HCN1: variants seen among roughly 807,000 people sequenced by gnomAD.
The protein encoded by HCN1 is hyperpolarization activated cyclic nucleotide gated potassium channel 1, also known as potassium/sodium hyperpolarization-activated cyclic nucleotide-gated channel 1.
Under a neutral mutation model 78.9 loss-of-function variants are expected in HCN1, and 13 were observed. The ratio of observed to expected loss-of-function variants is 0.16; its 90% CI spans 0.11 to 0.26. The LOEUF is 0.26. Ranked by LOEUF, HCN1 falls within the 10% of genes least tolerant of loss-of-function variation. The pLI, the probability that HCN1 is intolerant of heterozygous loss-of-function variation, is 1.00. For missense variants in HCN1, 810 were observed against 1,154.3 expected (o/e 0.70, Z 4.32); for synonymous variants, 552 against 455.5 (o/e 1.21, Z -2.70).
intron 2 of HCN1, among the ~76,000 whole-genome samples, chr5:45,583,327 T>C (rs1744128748): frequency 6.6e-6 from 1 of 152,208 alleles, no homozygotes; most frequent in East Asian, 1.9e-4. Flanking sequence ...GTGTTTATAG[T>C]ATTCTCTGAT....
Position 45,312,444 on chromosome 5 carries a change from G to A in HCN1, c.1378-8605C>T, listed in dbSNP as rs542642951. Reference sequence around the variant, plus strand: ...GTCTACAGCTCCCAGTGTGAGCGACGCAGAAGACGGATGATTTCTGCATTT... The same window carrying A: ...GTCTACAGCTCCCAGTGTGAGCGACACAGAAGACGGATGATTTCTGCATTT... On this transcript the variant is annotated intron_variant, in intron 5 of 7. Transcript: ENST00000303230. Among the ~76,000 whole-genome samples the A allele has an allele frequency of 5.4e-4, 82 of 152,270 alleles. 2 individuals are homozygous for A. In the South Asian group the frequency reaches 6.6e-3, roughly 12 times the overall value.
intron 5 of HCN1, 42 bp downstream of exon 5, chr5:45,353,058 C>T (rs1308898369): frequency 1.3e-6 from 2 of 1,515,000 alleles, no homozygotes; most frequent in Admixed American, 3.4e-5. Flanking sequence ...AGAAAATAAA[C>T]AATGATTATG....
intron 3 of HCN1, among the ~76,000 whole-genome samples, chr5:45,411,704 T>A (rs530063399): frequency 6.6e-6 from 1 of 152,142 alleles, no homozygotes; most frequent in South Asian, 2.1e-4. Context: ...TTTATGAGAT[T>A]TCTGTTTTCA....
At chr5:45,694,820 T>C (rs1273545472) in intron 1 of HCN1, among the ~76,000 whole-genome samples, 1 of 152,196 alleles carries the variant, frequency 6.6e-6, no homozygotes, top group East Asian at 1.9e-4. Flanking sequence ...TCAGAAAACG[T>C]CTTAATTTTA....
chr5:45,403,357 A>G (rs1418132018), intron 3 of HCN1, among the ~76,000 whole-genome samples: 1 of 152,188 alleles, frequency 6.6e-6, no homozygotes, highest in African/African-American at 2.4e-5. Context: ...GGCTGCTAAT[A>G]AAGATATACC....
rs148040468 is a variant in HCN1, at chr5:45,353,907, G to A, written c.1231-661C>T. On this transcript the variant is annotated intron_variant, in intron 4 of 7. Transcript: ENST00000303230. ...CTGAAGTTCATTTAAACAAGTAGGC[G>A]TCAACTGTGATTGTTTTAAGAACTG... 5.9e-5 allele frequency among the ~76,000 whole-genome samples: 9 copies of A among 152,026 alleles called. No individual in the cohort carries two copies. The East Asian group carries it at 7.8e-4, about 13-fold the overall frequency.
At chr5:45,494,414 G>C (rs1367336418) in intron 2 of HCN1, among the ~76,000 whole-genome samples, 2 of 152,054 alleles carry the variant, frequency 1.3e-5, no homozygotes, top group Non-Finnish European at 2.9e-5. Flanking sequence ...AGAAGTGTCT[G>C]TTCATGTCCT....
chr5:45,621,278 T>C (rs1745055800), intron 2 of HCN1, among the ~76,000 whole-genome samples: 1 of 152,170 alleles, frequency 6.6e-6, no homozygotes, highest in East Asian at 1.9e-4. Flanking sequence ...ACTTCCAATT[T>C]CTGAAAATTC....
chr5:45,663,579 A>G (rs1184405805), intron 1 of HCN1, among the ~76,000 whole-genome samples: 2 of 131,946 alleles, frequency 1.5e-5, no homozygotes, highest in Admixed American at 1.6e-4. Flanking sequence ...GCTAATATCC[A>G]GAATCTACAA....
At chr5:45,586,031 A>G (rs1324383952) in intron 2 of HCN1, among the ~76,000 whole-genome samples, 1 of 152,102 alleles carries the variant, frequency 6.6e-6, no homozygotes, top group East Asian at 1.9e-4. Context: ...ATGCTGGGAG[A>G]ACCACTACTC....
intron 2 of HCN1, among the ~76,000 whole-genome samples, chr5:45,563,418 T>A (rs1246403567): frequency 6.6e-6 from 1 of 151,696 alleles, no homozygotes; most frequent in Non-Finnish European, 1.5e-5. Context: ...GCCACTGCAC[T>A]CCAGCCTGGA....
chr5:45,594,218 C>T (rs936099371), intron 2 of HCN1, among the ~76,000 whole-genome samples: 3 of 152,124 alleles, frequency 2.0e-5, no homozygotes, highest in African/African-American at 7.2e-5. Flanking sequence ...CCATTATTTT[C>T]CATTGCTTTT....
intron 6 of HCN1, among the ~76,000 whole-genome samples, chr5:45,289,567 A>G (rs1745331950): frequency 6.6e-6 from 1 of 152,108 alleles, no homozygotes; most frequent in Non-Finnish European, 1.5e-5. Flanking sequence ...TAATCACACC[A>G]GAGTGTGGCA....
chr5:45,303,559 G>C, intron 6 of HCN1, 40 bp downstream of exon 6: 2 of 1,604,320 alleles, frequency 1.2e-6, no homozygotes, highest in Non-Finnish European at 1.7e-6. Context: ...CAAATCTCAA[G>C]CAGTTTAGAT....
chr5:45,557,012 T>C (rs1743484531), intron 2 of HCN1, among the ~76,000 whole-genome samples: 1 of 152,046 alleles, frequency 6.6e-6, no homozygotes, highest in Non-Finnish European at 1.5e-5. Context: ...TTCCGTTCTC[T>C]TGTCACTTCA....
At chr5:45,693,277 G>GT (rs1207242776) in intron 1 of HCN1, among the ~76,000 whole-genome samples, 190 of 152,202 alleles carry the variant, frequency 1.2e-3, no homozygotes, top group African/African-American at 4.5e-3. Context: ...ACAATAAGAT[G>GT]TAAATATATT....
At chr5:45,531,720 C>CT (rs888236627) in intron 2 of HCN1, among the ~76,000 whole-genome samples, 2 of 151,514 alleles carry the variant, frequency 1.3e-5, no homozygotes, top group Non-Finnish European at 2.9e-5. Context: ...GGCTCTGACA[C>CT]TTTTTTTTTC....
chr5:45,341,129 T>C (rs930283038), intron 5 of HCN1, among the ~76,000 whole-genome samples: 2 of 152,210 alleles, frequency 1.3e-5, no homozygotes, highest in African/African-American at 2.4e-5. Flanking sequence ...AGAAACTTTA[T>C]GGAAACAATG....
chr5:45,564,757 G>C (rs1356751084), intron 2 of HCN1, among the ~76,000 whole-genome samples: 2 of 152,118 alleles, frequency 1.3e-5, no homozygotes, highest in Non-Finnish European at 2.9e-5. Context: ...AGGAACATGA[G>C]ATGATAAAAA....
Sources: gnomAD v4.1 joint callset for allele counts (sites outside exome capture counted in the v4.1 genomes callset) on GRCh38, gnomAD v4.1.1 for gene constraint, MANE v1.5 for transcripts, NCBI Gene and HGNC (gene_info 2026-07-23, HGNC 2026-07-21) for gene names.